The following HDAC4 variants were observed in gnomAD, a reference collection of about 807,000 sequenced individuals.
The protein encoded by HDAC4 is histone deacetylase A.
HDAC4 carries 16 observed loss-of-function variants against 135.1 expected under a neutral mutation model. The observed-to-expected ratio is 0.12, with a 90% CI of 0.08 to 0.18. The LOEUF (loss-of-function observed/expected upper bound fraction) is 0.18, where lower values mean the gene tolerates loss of function less well. HDAC4 is among the 10% of genes least tolerant of loss of function. HDAC4 has a pLI of 1.00. For missense variants in HDAC4, 1,143 were observed against 1,511.8 expected (o/e 0.76, Z 4.05); for synonymous variants, 685 against 653.4 (o/e 1.05, Z -0.74).
In HDAC4 at chr2:239,052,981, C is replaced by A. The variant is rs980863066; in HGVS notation, c.*116G>T. ...CCCGTGGCTGTTGCACGCTGGGTGT[C>A]CCTGGGTGCTCCAAGAGAGCCCCAC... On this transcript the variant is annotated 3_prime_UTR_variant, in exon 27 of 27. Transcript: ENST00000543185. 8.8e-6 allele frequency: 11 copies of A among 1,251,776 alleles called. No homozygotes were observed. The highest frequency in any genetic ancestry group is 1.3e-5 in the Non-Finnish European group (11 of 851,020). 77.5% of individuals were successfully genotyped at this position (1,251,776 alleles called of 1,614,324 possible).
chr2:239,199,736 CTT>C (rs35353470), intron 3 of HDAC4, among the ~76,000 whole-genome samples: 235 of 139,010 alleles, frequency 1.7e-3, no homozygotes, highest in Middle Eastern at 3.7e-3. Context: ...CTGTACATTT[CTT>C]TTTTTTTTTT....
At chr2:239,151,555 C>T (rs2152935281) in intron 7 of HDAC4, among the ~76,000 whole-genome samples, 1 of 152,336 alleles carries the variant, frequency 6.6e-6, no homozygotes, top group East Asian at 1.9e-4. Flanking sequence ...TCAAGCCTGA[C>T]CATGGAGGCA....
rs1245426484 is a variant in HDAC4, at chr2:239,115,743, A to C, written c.1534-433T>G. The stretch of plus-strand genomic sequence containing the variant: ...CCCACCACCCACTCAGCGGAAGACA[A>C]CCACGTCCACAATGCTCACTGCCCA... On this transcript the variant is annotated intron_variant, in intron 12 of 26. Transcript: ENST00000543185. The surrounding 1 kb of genome is among the most constrained non-coding windows in gnomAD (Gnocchi z 6.3). Among the ~76,000 whole-genome samples the C allele has an allele frequency of 6.6e-6, 1 of 152,106 alleles. No homozygotes were observed. Among genetic ancestry groups the C allele is most frequent in the Non-Finnish European group, 1.5e-5 (1 of 67,998 alleles).
intron 1 of HDAC4, among the ~76,000 whole-genome samples, chr2:239,378,532 T>C (rs946582123): frequency 1.3e-5 from 2 of 152,080 alleles, no homozygotes; most frequent in Non-Finnish European, 2.9e-5. Context: ...CAGAGGTCCC[T>C]GTCCTCACCT....
Position 239,400,105 on chromosome 2 carries a change from C to G in HDAC4, c.-220+873G>C, listed in dbSNP as rs962059377. Among the ~76,000 whole-genome samples, 60 of 152,152 alleles carry G rather than the reference C, an allele frequency of 3.9e-4. No individual in the cohort carries two copies. Among genetic ancestry groups the G allele is most frequent in the Admixed American group, 1.6e-3 (25 of 15,304 alleles). ...ATTCCGTGGTGTGTTTTCGCAACGC[C>G]GGCAAACGCGGATCCCACCCCCGAG... On this transcript the variant is annotated intron_variant, in intron 1 of 26. Coordinates refer to ENST00000543185, the MANE Select transcript of HDAC4 (RefSeq NM_001378414.1). The surrounding 1 kb of genome is among the most constrained non-coding windows in gnomAD (Gnocchi z 4.7).
chr2:239,118,567 T>C (rs991739760), intron 12 of HDAC4, among the ~76,000 whole-genome samples: 5 of 152,166 alleles, frequency 3.3e-5, no homozygotes, highest in African/African-American at 1.2e-4. Flanking sequence ...CGGGACCTGA[T>C]GCACAGTTTG....
chr2:239,088,505 T>C (rs1393906539), intron 18 of HDAC4, among the ~76,000 whole-genome samples: 5 of 152,348 alleles, frequency 3.3e-5, no homozygotes, highest in Admixed American at 2.0e-4. Flanking sequence ...CGACCCCTGC[T>C]GAGGGTCTGT....
chr2:239,387,387 C>T (rs997492784), intron 1 of HDAC4, among the ~76,000 whole-genome samples: 2 of 152,220 alleles, frequency 1.3e-5, no homozygotes, highest in African/African-American at 4.8e-5. Context: ...ACCACAGGGC[C>T]GGCCGCCACC....
intron 2 of HDAC4, among the ~76,000 whole-genome samples, chr2:239,273,312 G>A (rs2050156046): frequency 6.6e-6 from 1 of 152,164 alleles, no homozygotes; most frequent in South Asian, 2.1e-4. Context: ...AAGGCATGGA[G>A]CACACTTAAA....
At chr2:239,066,644 G>C in intron 24 of HDAC4, 78 bp downstream of exon 24, 1 of 1,601,882 alleles carries the variant, frequency 6.2e-7, no homozygotes, top group Middle Eastern at 2.2e-4. Flanking sequence ...TTCATGCTCT[G>C]GGGCTCTCGG....
chr2:239,329,840 G>A (rs1366772371), intron 2 of HDAC4, among the ~76,000 whole-genome samples: 1 of 152,026 alleles, frequency 6.6e-6, no homozygotes. Flanking sequence ...ACCCTATAAG[G>A]TGAAGTCTCT....
At chr2:239,201,824 C>CTTTTTG (rs1329770489) in intron 3 of HDAC4, among the ~76,000 whole-genome samples, 1 of 152,188 alleles carries the variant, frequency 6.6e-6, no homozygotes, top group African/African-American at 2.4e-5. Context: ...ACTCCACTGT[C>CTTTTTG]TTTTTGTTTT....
chr2:239,072,446 C>T (rs977866244), intron 22 of HDAC4, among the ~76,000 whole-genome samples: 11 of 152,196 alleles, frequency 7.2e-5, no homozygotes, highest in Non-Finnish European at 1.2e-4. Flanking sequence ...GTTTCACCAC[C>T]GCCTACTTCC....
chr2:239,150,266 C>T (rs931918763), intron 7 of HDAC4, among the ~76,000 whole-genome samples: 2 of 151,872 alleles, frequency 1.3e-5, no homozygotes, highest in Non-Finnish European at 2.9e-5. Flanking sequence ...CAGATACACA[C>T]ACAGAAACAT....
intron 22 of HDAC4, among the ~76,000 whole-genome samples, chr2:239,075,382 G>A (rs904446478): frequency 4.6e-5 from 7 of 152,040 alleles, no homozygotes; most frequent in African/African-American, 1.7e-4. Context: ...GAGAGGGGTG[G>A]GCTCGCAGTT....
chr2:239,048,681 GCTTT>G lies in HDAC4; in HGVS notation c.*4412_*4415del, dbSNP rs2030350717. On this transcript the variant is annotated 3_prime_UTR_variant, in exon 27 of 27. Transcript: ENST00000543185. Reference sequence around the variant, plus strand: ...CAAAAAAAACAAACAAAAACTGTTCGCTTTCTTTTTCTTTCAATAGCAGACTTTT... The same window carrying G: ...CAAAAAAAACAAACAAAAACTGTTCGCTTTTTCTTTCAATAGCAGACTTTT... The G allele has an allele frequency of 6.6e-6, 1 of 152,174 alleles. No homozygotes were observed. The highest frequency in any genetic ancestry group is 1.5e-5 in the Non-Finnish European group (1 of 68,028). The allele number at this position is 152,174 out of a possible 1,614,324, so 9.4% of individuals were successfully genotyped here. A position where few individuals can be genotyped will look rare whatever the true frequency, so the allele number is the denominator to read the frequency against.
intron 22 of HDAC4, among the ~76,000 whole-genome samples, chr2:239,073,218 GT>G (rs2034376265): frequency 6.6e-6 from 1 of 152,226 alleles, no homozygotes; most frequent in Non-Finnish European, 1.5e-5. Flanking sequence ...GTCTGCTTCT[GT>G]TCTTTTTTCT....
intron 2 of HDAC4, among the ~76,000 whole-genome samples, chr2:239,319,033 T>C (rs926180389): frequency 2.6e-5 from 4 of 152,200 alleles, no homozygotes; most frequent in Non-Finnish European, 5.9e-5. Context: ...TCCCCAGCAC[T>C]GTCTTCTGTG....
intron 2 of HDAC4, among the ~76,000 whole-genome samples, chr2:239,347,078 C>CA (rs1692769254): frequency 6.6e-6 from 1 of 151,860 alleles, no homozygotes; most frequent in Non-Finnish European, 1.5e-5. Context: ...AAAACACACA[C>CA]CCTAACACAC....
Sources: gnomAD v4.1 joint callset for allele counts (sites outside exome capture counted in the v4.1 genomes callset) on GRCh38, gnomAD v4.1.1 for gene constraint, Gnocchi (gnomAD v3.1) non-coding constraint, MANE v1.5 for transcripts, NCBI Gene and HGNC (gene_info 2026-07-23, HGNC 2026-07-21) for gene names.